NR2C2: variants seen among roughly 807,000 people sequenced by gnomAD.
The protein encoded by NR2C2 is Nuclear hormone receptor TR4.
A neutral mutation model predicts 62.9 loss-of-function variants in NR2C2; 6 were observed. The observed-to-expected ratio is 0.10, with a 90% CI of 0.05 to 0.19. NR2C2 has a LOEUF of 0.19. NR2C2 is among the 10% of genes least tolerant of loss of function. The pLI is 1.00. For missense variants in NR2C2, 479 were observed against 762.7 expected, an observed-to-expected ratio of 0.63 and a Z score of 4.38; for synonymous variants, 272 against 273.8, an observed-to-expected ratio of 0.99 and a Z score of 0.07.
At chr3:15,036,481 TTTGTTG>T (rs747177543) in intron 11 of NR2C2, among the ~76,000 whole-genome samples, 1 of 151,988 alleles carries the variant, frequency 6.6e-6, no homozygotes, top group African/African-American at 2.4e-5. Context: ...AGTGGAAGTT[TTTGTTG>T]TTGTTGTTTT....
At chr3:14,977,370 GTGGCAGATGGCTTTCAGCTC>G (rs576144713) in intron 1 of NR2C2, among the ~76,000 whole-genome samples, 7 of 152,300 alleles carry the variant, frequency 4.6e-5, no homozygotes, top group Admixed American at 2.6e-4. Context: ...GTAATACATT[GTGGCAGATGGCTTTCAGCTC>G]TGGCTGTTAT....
chr3:14,978,854 C>G (rs139716017), intron 1 of NR2C2, among the ~76,000 whole-genome samples: 1 of 152,250 alleles, frequency 6.6e-6, no homozygotes, highest in African/African-American at 2.4e-5. Flanking sequence ...ACTATACCTC[C>G]TTTTTTCTGC....
At chr3:15,002,895 T>C (rs1320141112) in intron 1 of NR2C2, among the ~76,000 whole-genome samples, 6 of 151,672 alleles carry the variant, frequency 4.0e-5, no homozygotes, top group Non-Finnish European at 8.8e-5. Context: ...TGACCTCAAG[T>C]GATCCACCCA....
chr3:15,038,010 T>C lies in NR2C2; in HGVS notation c.1383T>C (p.Ser461=), dbSNP rs1420171056. ...LQNSIQEDKL[S]GDRIKQVMEH... is the part of the protein sequence containing the mutation. ...GATGTTGGTTTCTAGATAAACTTTCTGGTGACCGGATAAAGCAAGTCATGG... is the reference window on the plus strand; with the variant it reads ...GATGTTGGTTTCTAGATAAACTTTCCGGTGACCGGATAAAGCAAGTCATGG... Residue 461 remains serine (S), a synonymous_variant, in exon 12 of 14, where the codon TCT becomes TCC. Coordinates refer to ENST00000425241, the MANE Select transcript of NR2C2 (RefSeq NM_001291694.2). The C allele has an allele frequency of 1.2e-6, 2 of 1,613,452 alleles. No individual in the cohort carries two copies. Among genetic ancestry groups the C allele is most frequent in the Non-Finnish European group, 1.7e-6 (2 of 1,179,798 alleles).
rs1001462176 is a variant in NR2C2, at chr3:14,947,783, CCCGGGCT to C, written c.-160_-154del. 9 of 149,770 alleles carry C rather than the reference CCCGGGCT, an allele frequency of 6.0e-5. No individual in the cohort carries two copies. Among genetic ancestry groups the C allele is most frequent in the African/African-American group, 1.2e-4 (5 of 41,096 alleles). 9.3% of individuals were successfully genotyped at this position (149,770 alleles called of 1,614,324 possible). A position where few individuals can be genotyped will look rare whatever the true frequency, so the allele number is the denominator to read the frequency against. ...CCCGCTGCCCCGCGAGCCCGCGGCC[CCCGGGCT>C]CCCGCCATCCGCCGACACCGGGAGC... On this transcript the variant is annotated 5_prime_UTR_variant, in exon 1 of 14. Transcript: ENST00000425241.
At chr3:15,021,849 G>A (rs1419950072) in intron 5 of NR2C2, among the ~76,000 whole-genome samples, 1 of 152,170 alleles carries the variant, frequency 6.6e-6, no homozygotes, top group African/African-American at 2.4e-5. Context: ...AAAATTCACT[G>A]GAGAATAAAT....
At chr3:14,969,602 G>A (rs933663419) in intron 1 of NR2C2, among the ~76,000 whole-genome samples, 1 of 152,172 alleles carries the variant, frequency 6.6e-6, no homozygotes, top group Non-Finnish European at 1.5e-5. Context: ...TTAACTTGCT[G>A]AAGTATTTTG....
rs1371241363 is a variant in NR2C2, at chr3:15,048,300, T to C, written c.*5292T>C. 2 of 152,670 alleles carry C rather than the reference T, an allele frequency of 1.3e-5. No individual in the cohort carries two copies. Among genetic ancestry groups the C allele is most frequent in the African/African-American group, 4.8e-5 (2 of 41,462 alleles). The allele number at this position is 152,670 out of a possible 1,614,324, so 9.5% of individuals were successfully genotyped here. A position where few individuals can be genotyped will look rare whatever the true frequency, so the allele number is the denominator to read the frequency against. On this transcript the variant is annotated 3_prime_UTR_variant, in exon 14 of 14. Coordinates refer to ENST00000425241, the MANE Select transcript of NR2C2 (RefSeq NM_001291694.2). Reference sequence around the variant, plus strand: ...ATAGCCTGTCGTGACAATCACGCTATTGAAAGTGGCTTTCTAGTTAAAATG... The same window carrying C: ...ATAGCCTGTCGTGACAATCACGCTACTGAAAGTGGCTTTCTAGTTAAAATG...
At chr3:15,000,348 CCTT>C (rs1322200195) in intron 1 of NR2C2, among the ~76,000 whole-genome samples, 5 of 152,168 alleles carry the variant, frequency 3.3e-5, no homozygotes, top group Non-Finnish European at 5.9e-5. Context: ...GACAGAATTT[CCTT>C]CTTTTTAAAG....
intron 11 of NR2C2, among the ~76,000 whole-genome samples, chr3:15,037,726 T>C (rs76588565): frequency 0.011 from 1,716 of 152,302 alleles, 33 homozygotes; most frequent in African/African-American, 0.038. Flanking sequence ...AAATTCACAA[T>C]GTACACCTAC....
chr3:15,037,198 T>C (rs1263934388), intron 11 of NR2C2, among the ~76,000 whole-genome samples: 4 of 143,578 alleles, frequency 2.8e-5, no homozygotes, highest in Admixed American at 1.4e-4. Context: ...TGTTGTGTTA[T>C]TGTTTTTTGT....
chr3:15,018,386 A>C (rs2041571972), intron 4 of NR2C2, among the ~76,000 whole-genome samples: 1 of 152,254 alleles, frequency 6.6e-6, no homozygotes, highest in Non-Finnish European at 1.5e-5. Context: ...CAGAACATAT[A>C]GCGAACTTAA....
intron 1 of NR2C2, among the ~76,000 whole-genome samples, chr3:14,964,012 CT>C (rs796148260): frequency 9.1e-4 from 139 of 152,120 alleles, no homozygotes; most frequent in African/African-American, 3.0e-3. Flanking sequence ...TTTGAATGGG[CT>C]ATCAGAGTTA....
chr3:15,030,565 T>C, intron 9 of NR2C2, 113 bp downstream of exon 9: 1 of 1,134,638 alleles, frequency 8.8e-7, no homozygotes, highest in Non-Finnish European at 1.2e-6. Context: ...TAGTGGCTCA[T>C]GCCTGTAATC....
intron 7 of NR2C2, 112 bp from the exon 8 acceptor site, chr3:15,028,474 C>T (rs553958090): frequency 1.0e-6 from 1 of 972,454 alleles, no homozygotes; most frequent in South Asian, 1.7e-5. Context: ...CCTTTGTAGT[C>T]ACACTTCCCT....
At chr3:14,972,294 C>G (rs2040067486) in intron 1 of NR2C2, among the ~76,000 whole-genome samples, 1 of 151,828 alleles carries the variant, frequency 6.6e-6, no homozygotes, top group South Asian at 2.1e-4. Context: ...CATGTCTCAG[C>G]CACCTGAATA....
At chr3:14,992,109 G>A (rs981256537) in intron 1 of NR2C2, among the ~76,000 whole-genome samples, 2 of 151,970 alleles carry the variant, frequency 1.3e-5, no homozygotes, top group Non-Finnish European at 2.9e-5. Context: ...TCATTTTTCA[G>A]CAAGTGATTC....
chr3:15,032,417 G>A lies in NR2C2; in HGVS notation c.1149G>A (p.Val383=), dbSNP rs376761635. Residue 383 remains valine, a synonymous_variant, in exon 10 of 14, where the codon GTG becomes GTA. Coordinates refer to ENST00000425241, the MANE Select transcript of NR2C2 (RefSeq NM_001291694.2). The part of the protein sequence containing the change: ...MPSPMPEYLN[V]HYICESASRL... ...GTCCAATGCCAGAGTACCTCAACGTGCACTACATCTGTGAGTCTGCATCCC... is the reference window on the plus strand; with the variant it reads ...GTCCAATGCCAGAGTACCTCAACGTACACTACATCTGTGAGTCTGCATCCC... The A allele has an allele frequency of 6.2e-7, 1 of 1,614,174 alleles. No individual in the cohort carries two copies. Among genetic ancestry groups the A allele is most frequent in the Non-Finnish European group, 8.5e-7 (1 of 1,180,032 alleles).
Position 15,045,457 on chromosome 3 carries a change from C to T in NR2C2, c.*2449C>T, listed in dbSNP as rs1683936733. On this transcript the variant is annotated 3_prime_UTR_variant, in exon 14 of 14. Transcript: ENST00000425241. ...GTGCTGATTCTAACCTGGTCCTGCT[C>T]TTTAAGTCCCCTTGCTGGTGATGGC... is the stretch of plus-strand genomic sequence containing the variant. 1 of 152,752 alleles carries T rather than the reference C, an allele frequency of 6.5e-6. No individual in the cohort carries two copies. The highest frequency in any genetic ancestry group is 1.5e-5 in the Non-Finnish European group (1 of 68,136). The allele number at this position is 152,752 out of a possible 1,614,324, so 9.5% of individuals were successfully genotyped here. A position where few individuals can be genotyped will look rare whatever the true frequency, so the allele number is the denominator to read the frequency against.
Sources: allele counts gnomAD v4.1 joint callset (sites outside exome capture counted in the v4.1 genomes callset), GRCh38; gene constraint gnomAD v4.1.1; transcripts MANE v1.5; gene names NCBI Gene and HGNC (gene_info 2026-07-23, HGNC 2026-07-21).